Variants in NUTF2 observed in about 807,000 individuals in gnomAD.
NUTF2 encodes placental protein 15.
Under a neutral mutation model 18.5 loss-of-function variants are expected in NUTF2, and 3 were observed. That is an observed-to-expected ratio of 0.16 (90% CI 0.07 to 0.42). The LOEUF (loss-of-function observed/expected upper bound fraction) is 0.42. Ranked by LOEUF, NUTF2 falls within the 10% of genes least tolerant of loss-of-function variation. The pLI, the probability that NUTF2 is intolerant of heterozygous loss-of-function variation, is 0.99. For synonymous variants in NUTF2, 51 were observed against 57.9 expected (o/e 0.88, Z 0.54); for missense variants, 44 against 160.7 (o/e 0.27, Z 3.93).
At chr16:67,864,200 CT>C in intron 1 of NUTF2, among the ~76,000 whole-genome samples, 1 of 152,268 alleles carries the variant, frequency 6.6e-6, no homozygotes, top group South Asian at 2.1e-4. Flanking sequence ...TAAGGGATCA[CT>C]TGCTGTTTTT....
At chr16:67,862,622 C>T (rs553904817) in intron 1 of NUTF2, among the ~76,000 whole-genome samples, 1 of 152,242 alleles carries the variant, frequency 6.6e-6, no homozygotes, top group Admixed American at 6.5e-5. Context: ...ATCACTTGAG[C>T]TCAGGAGTTT....
chr16:67,867,986 A>G (rs778099899), intron 2 of NUTF2, among the ~76,000 whole-genome samples: 7 of 152,158 alleles, frequency 4.6e-5, no homozygotes, highest in Non-Finnish European at 8.8e-5. Context: ...GTGCCTGGCC[A>G]CATTTCTGAT....
intron 1 of NUTF2, among the ~76,000 whole-genome samples, chr16:67,849,474 T>C (rs1314925695): frequency 6.6e-6 from 1 of 151,508 alleles, no homozygotes; most frequent in East Asian, 1.9e-4. Context: ...CCCTGGTAGC[T>C]GGGACTACAG....
chr16:67,860,668 A>G (rs1270893015), intron 1 of NUTF2, among the ~76,000 whole-genome samples: 1 of 152,124 alleles, frequency 6.6e-6, no homozygotes, highest in Non-Finnish European at 1.5e-5. Flanking sequence ...GGCCTCCGTG[A>G]TAGCATGTGT....
intron 1 of NUTF2, among the ~76,000 whole-genome samples, chr16:67,861,063 T>C (rs78486882): frequency 0.047 from 7,145 of 152,248 alleles, 464 homozygotes; most frequent in African/African-American, 0.15. Context: ...GTGCTCTCAC[T>C]GATGTAGTCT....
chr16:67,853,075 T>A (rs2057872008), intron 1 of NUTF2, among the ~76,000 whole-genome samples: 1 of 152,176 alleles, frequency 6.6e-6, no homozygotes, highest in East Asian at 1.9e-4. Flanking sequence ...GGTCTCACTC[T>A]TTTACCAACA....
At chr16:67,865,773 C>T (rs2057966841) in intron 2 of NUTF2, among the ~76,000 whole-genome samples, 1 of 148,198 alleles carries the variant, frequency 6.7e-6, no homozygotes, top group Admixed American at 6.8e-5. Flanking sequence ...GGCTGGAGTG[C>T]AATGGCTCGA....
intron 1 of NUTF2, among the ~76,000 whole-genome samples, chr16:67,854,482 G>T (rs1371545391): frequency 6.6e-6 from 1 of 152,240 alleles, no homozygotes; most frequent in African/African-American, 2.4e-5. Context: ...TTGCCTGGGG[G>T]CTTACAGAGG....
intron 1 of NUTF2, among the ~76,000 whole-genome samples, chr16:67,864,864 A>G (rs756646172): frequency 1.3e-5 from 2 of 152,044 alleles, no homozygotes; most frequent in Non-Finnish European, 2.9e-5. Flanking sequence ...CCTATCATCT[A>G]TGTGTCTCAT....
chr16:67,849,925 C>T (rs959864941), intron 1 of NUTF2, among the ~76,000 whole-genome samples: 13 of 151,916 alleles, frequency 8.6e-5, no homozygotes, highest in African/African-American at 9.6e-5. Context: ...CCCAAAGTGC[C>T]GGGATTCCAG....
intron 1 of NUTF2, among the ~76,000 whole-genome samples, chr16:67,851,060 CA>C (rs2057852944): frequency 1.3e-5 from 2 of 151,998 alleles, no homozygotes; most frequent in African/African-American, 2.4e-5. Flanking sequence ...CTTGGCTGCC[CA>C]AAGTGCTAGG....
At chr16:67,868,308 C>T in intron 2 of NUTF2, 32 bp from the exon 3 acceptor site, 10 of 1,608,332 alleles carry the variant, frequency 6.2e-6, no homozygotes, top group Non-Finnish European at 8.5e-6. Context: ...ACTCTGAGGC[C>T]CCAACCCTGG....
intron 1 of NUTF2, among the ~76,000 whole-genome samples, chr16:67,850,297 C>T (rs557421689): frequency 6.0e-5 from 9 of 151,068 alleles, no homozygotes; most frequent in Admixed American, 1.3e-4. Flanking sequence ...CTCCGCCTCC[C>T]GGGTTCACGC....
rs569045962 is a variant in NUTF2 at position 67,868,083 on chromosome 16, A to G, written c.100-257A>G. Among the ~76,000 whole-genome samples the G allele has an allele frequency of 7.9e-5, 12 of 152,342 alleles. No homozygotes were observed. In the South Asian group the frequency reaches 2.5e-3, roughly 32 times the overall value. On this transcript the variant is annotated intron_variant, in intron 2 of 4. Coordinates refer to ENST00000219169, the MANE Select transcript of NUTF2 (RefSeq NM_005796.3). ...GCCCTCCTGGGCCTATGCATATCAG[A>G]GACCATATGACTTCTTAAATACAAA...
At chr16:67,859,023 T>C (rs1032074848) in intron 1 of NUTF2, among the ~76,000 whole-genome samples, 7 of 151,292 alleles carry the variant, frequency 4.6e-5, no homozygotes, top group African/African-American at 1.7e-4. Flanking sequence ...CCTGTAGACA[T>C]GAGGTCTCAC....
intron 1 of NUTF2, among the ~76,000 whole-genome samples, chr16:67,863,829 C>G (rs991051342): frequency 2.0e-4 from 30 of 152,310 alleles, no homozygotes; most frequent in Non-Finnish European, 3.8e-4. Context: ...TGTGGGCTTC[C>G]CTACTTGGAA....
At chr16:67,860,944 T>C (rs969228306) in intron 1 of NUTF2, among the ~76,000 whole-genome samples, 1 of 152,244 alleles carries the variant, frequency 6.6e-6, no homozygotes, top group Admixed American at 6.5e-5. Flanking sequence ...TCCTGTTGTT[T>C]GGACTCTAGG....
At chr16:67,865,037 G>T in intron 1 of NUTF2, 65 bp from the exon 2 acceptor site, 1 of 760,058 alleles carries the variant, frequency 1.3e-6, no homozygotes, top group Non-Finnish European at 2.3e-6. Flanking sequence ...AGGGGTGGGG[G>T]TCAGTGGCTG....
intron 4 of NUTF2, 112 bp downstream of exon 4, chr16:67,868,711 A>G: frequency 2.0e-6 from 2 of 1,013,000 alleles, no homozygotes; most frequent in South Asian, 2.9e-5. Context: ...AGACAAAGTG[A>G]CTGTCTAGAG....
Sources: gnomAD v4.1 joint callset for allele counts (sites outside exome capture counted in the v4.1 genomes callset) on GRCh38, gnomAD v4.1.1 for gene constraint, MANE v1.5 for transcripts, NCBI Gene and HGNC (gene_info 2026-07-23, HGNC 2026-07-21) for gene names.